The following PPIG variants were observed in gnomAD, a reference collection of about 807,000 sequenced individuals.
PPIG encodes the protein peptidyl-prolyl cis-trans isomerase G.
In PPIG, 26 loss-of-function variants were observed where a neutral mutation model predicts 87.9. That is an observed-to-expected ratio of 0.30 (90% CI 0.22 to 0.41). The LOEUF (loss-of-function observed/expected upper bound fraction) is 0.41. Ranked by LOEUF, PPIG falls within the 10% of genes least tolerant of loss-of-function variation. The pLI is 1.00. For synonymous variants in PPIG, 308 were observed against 276.5 expected (o/e 1.11, Z -1.13); for missense variants, 722 against 879.4 (o/e 0.82, Z 2.26).
intron 1 of PPIG, among the ~76,000 whole-genome samples, chr2:169,593,962 T>G (rs1034392615): frequency 2.0e-5 from 3 of 152,100 alleles, no homozygotes; most frequent in Non-Finnish European, 4.4e-5. Flanking sequence ...GCCCACTGTT[T>G]TATATCTTGA....
chr2:169,587,339 T>G (rs1227598022), intron 1 of PPIG, among the ~76,000 whole-genome samples: 1 of 152,104 alleles, frequency 6.6e-6, no homozygotes, highest in African/African-American at 2.4e-5. Context: ...CCTCCCGGGT[T>G]CAAGCAATTC....
In PPIG at chr2:169,636,166, A is replaced by C. The variant is rs369726092; in HGVS notation, c.1092A>C (p.Gln364His). The C allele has an allele frequency of 1.2e-5, 19 of 1,612,600 alleles. No individual in the cohort carries two copies. Among genetic ancestry groups the C allele is most frequent in the Non-Finnish European group, 1.6e-5 (19 of 1,179,298 alleles). Residue 364 changes from glutamine to histidine, a missense_variant, in exon 13 of 14, where the codon CAA (glutamine) becomes CAC (histidine). Physicochemically the swap from Gln to His is conservative, Grantham distance 24. This residue lies in a region of PPIG where 476 missense variants were observed against 483.1 expected (regional missense o/e 0.99). Coordinates refer to ENST00000260970, the MANE Select transcript of PPIG (RefSeq NM_004792.3). ...GTGAGACTCCTCCACATTGGAGGCA[A>C]GAGATGCAGAGAGCTCAAAGAATGA... ...RRSETPPHWR[Q>H]EMQRAQRMRV...
chr2:169,607,501 A>G (rs1685365275), intron 6 of PPIG, among the ~76,000 whole-genome samples: 1 of 152,206 alleles, frequency 6.6e-6, no homozygotes, highest in Non-Finnish European at 1.5e-5. Context: ...TTCTATGAAC[A>G]TTTTTAAAAA....
intron 6 of PPIG, 81 bp from the exon 7 acceptor site, chr2:169,608,590 A>G (rs1685399076): frequency 2.6e-6 from 2 of 770,470 alleles, no homozygotes; most frequent in Non-Finnish European, 2.2e-6. Flanking sequence ...TAAATAATAC[A>G]TCAGATATGA....
In PPIG at chr2:169,637,000, A is replaced by G; in HGVS notation, c.1742A>G (p.Asp581Gly). The G allele has an allele frequency of 6.2e-7, 1 of 1,613,986 alleles. No homozygotes were observed. The highest frequency in any genetic ancestry group is 8.5e-7 in the Non-Finnish European group (1 of 1,179,978). Residue 581 changes from aspartate (D) to glycine (G), a missense_variant, in exon 14 of 14, where the codon GAC becomes GGC. This residue lies in a region of PPIG where 476 missense variants were observed against 483.1 expected (regional missense o/e 0.99). Coordinates refer to ENST00000260970, the MANE Select transcript of PPIG (RefSeq NM_004792.3). ...RSRRVRSRTHDRDRSRSKEYH... is the reference protein window; with the variant it reads ...RSRRVRSRTHGRDRSRSKEYH... ...AGAAGAGTGCGATCAAGAACCCATG[A>G]CAGAGATCGCAGCAGAAGCAAGGAG...
intron 3 of PPIG, 36 bp from the exon 4 acceptor site, chr2:169,604,151 T>C: frequency 6.2e-7 from 1 of 1,608,726 alleles, no homozygotes; most frequent in Non-Finnish European, 8.5e-7. Context: ...TATTTTAAAT[T>C]AGTAAAGAAG....
rs1553542345 is a variant in PPIG at position 169,585,270 on chromosome 2, C to CTTTTTTTTTTTTTTTTTTT, written c.-70+789_-70+790insTTTTTTTTTTTTTTTTTTT. 3.2e-4 allele frequency among the ~76,000 whole-genome samples: 38 copies of CTTTTTTTTTTTTTTTTTTT among 118,762 alleles called. 2 individuals carry two copies. The highest frequency in any genetic ancestry group is 4.8e-4 in the African/African-American group (15 of 31,486). The allele number at this position is 118,762 out of a possible 152,430, so 77.9% of individuals were successfully genotyped here. On this transcript the variant is annotated intron_variant, in intron 1 of 13. Coordinates refer to ENST00000260970, the MANE Select transcript of PPIG (RefSeq NM_004792.3). ...TATGCTAATTTGGTTCTTGGTTAGTCTTTTTTTTTGAGACGGAGTCTCGCT... is the reference window on the plus strand; with the variant it reads ...TATGCTAATTTGGTTCTTGGTTAGTCTTTTTTTTTTTTTTTTTTTTTTTTTTTTGAGACGGAGTCTCGCT...
chr2:169,585,075 A>G (rs920421723), intron 1 of PPIG, among the ~76,000 whole-genome samples: 3 of 152,142 alleles, frequency 2.0e-5, no homozygotes, highest in Non-Finnish European at 4.4e-5. Context: ...TAAGTGGCAG[A>G]GGCCACTTTG....
chr2:169,631,839 C>A lies in PPIG; in HGVS notation c.835C>A (p.Pro279Thr), dbSNP rs1686062016. 1 of 1,613,392 alleles carries A rather than the reference C, an allele frequency of 6.2e-7. No homozygotes were observed. The highest frequency in any genetic ancestry group is 1.7e-5 in the Admixed American group (1 of 59,962). The change falls in exon 11 of 14, where the codon CCT becomes ACT. Residue 279 changes from proline to threonine, a missense_variant. By Grantham distance (38) the Pro-to-Thr change is conservative. Transcript: ENST00000260970. ...TACTGTCCGTCCAGAAGAGATCCCTCCTATACCTGAAAATAGATTCCTAAT... is the reference window on the plus strand; with the variant it reads ...TACTGTCCGTCCAGAAGAGATCCCTACTATACCTGAAAATAGATTCCTAAT... ...QSTVRPEEIPPIPENRFLMRK... is the reference protein window; with the variant it reads ...QSTVRPEEIPTIPENRFLMRK...
chr2:169,636,064 A>T lies in PPIG; in HGVS notation c.1018-28A>T, dbSNP rs1322025219. The T allele has an allele frequency of 1.9e-6, 3 of 1,557,158 alleles. No homozygotes were observed. In the South Asian group the frequency reaches 3.6e-5, roughly 18 times the overall value. On this transcript the variant is annotated intron_variant, in intron 12 of 13. Coordinates refer to ENST00000260970, the MANE Select transcript of PPIG (RefSeq NM_004792.3). ...GAGTCCCTCTATACTTCTATACATT[A>T]ATTTTTCCCTATTTTAATTTTCTTT...
intron 1 of PPIG, among the ~76,000 whole-genome samples, chr2:169,595,211 C>CGCCT (rs1379952870): frequency 9.9e-5 from 15 of 152,274 alleles, no homozygotes; most frequent in Admixed American, 7.2e-4. Flanking sequence ...TGAGCCACTG[C>CGCCT]GCCTGGCCTA....
In PPIG at chr2:169,609,667, G is replaced by A. The variant is rs1030383055; in HGVS notation, c.377+909G>A. ...CAAATAGGAACCAGCAGTCTACACT[G>A]ATATAAATAAATGATTAAATAATGA... On this transcript the variant is annotated intron_variant, in intron 7 of 13. Transcript: ENST00000260970. Among the ~76,000 whole-genome samples, 3 of 152,212 alleles carry A rather than the reference G, an allele frequency of 2.0e-5. No individual in the cohort carries two copies. The South Asian group carries it at 6.2e-4, about 32-fold the overall frequency.
intron 1 of PPIG, among the ~76,000 whole-genome samples, chr2:169,593,650 C>CTTTTTTTTTTTT (rs57902378): frequency 9.4e-6 from 1 of 106,204 alleles, no homozygotes; most frequent in Non-Finnish European, 1.8e-5. Context: ...TGCTTTATAT[C>CTTTTTTTTTTTT]TTTTTTTTTT....
chr2:169,634,274 C>G (rs1686129903), intron 12 of PPIG, among the ~76,000 whole-genome samples: 1 of 152,066 alleles, frequency 6.6e-6, no homozygotes, highest in South Asian at 2.1e-4. Context: ...GTTGCCCAGA[C>G]TGGTCTTGAA....
At chr2:169,592,303 CTTT>C (rs777690234) in intron 1 of PPIG, among the ~76,000 whole-genome samples, 1 of 93,598 alleles carries the variant, frequency 1.1e-5, no homozygotes, top group Admixed American at 1.6e-4. Context: ...TGTCTTTTTT[CTTT>C]TTTTTTTTTT....
chr2:169,595,004 C>T (rs1321910392), intron 1 of PPIG, among the ~76,000 whole-genome samples: 1 of 152,120 alleles, frequency 6.6e-6, no homozygotes, highest in Non-Finnish European at 1.5e-5. Flanking sequence ...TCTCAGCTCA[C>T]TACAACCTCC....
rs573668323 is a variant in PPIG at position 169,640,005 on chromosome 2, T to C, written c.*2482T>C. On this transcript the variant is annotated 3_prime_UTR_variant, in exon 14 of 14. Coordinates refer to ENST00000260970, the MANE Select transcript of PPIG (RefSeq NM_004792.3). The stretch of plus-strand genomic sequence containing the variant: ...ATTGGTGATAGCTGAGAAAATTTTT[T>C]CAATATGTAGAATTTTCATGGTTAT... 2.0e-5 allele frequency: 3 copies of C among 152,312 alleles called. No individual in the cohort carries two copies. The highest frequency in any genetic ancestry group is 7.2e-5 in the African/African-American group (3 of 41,584). 9.4% of individuals were successfully genotyped at this position (152,312 alleles called of 1,614,324 possible). A position where few individuals can be genotyped will look rare whatever the true frequency, so the allele number is the denominator to read the frequency against.
At chr2:169,584,684 C>A in intron 1 of PPIG, 194 bp downstream of exon 1, 1 of 341,930 alleles carries the variant, frequency 2.9e-6, no homozygotes, top group Non-Finnish European at 5.6e-6. Context: ...GCCTTTGCCG[C>A]TGTTGCAGAA....
chr2:169,607,946 T>C (rs1256124115), intron 6 of PPIG, among the ~76,000 whole-genome samples: 1 of 152,152 alleles, frequency 6.6e-6, no homozygotes, highest in Non-Finnish European at 1.5e-5. Flanking sequence ...TAGTGCACTT[T>C]AGGTTCAAGC....
Sources: gnomAD v4.1 joint callset for allele counts (sites outside exome capture counted in the v4.1 genomes callset) on GRCh38, gnomAD v4.1.1 for gene constraint, gnomAD v4.1.1 regional missense constraint, MANE v1.5 for transcripts, NCBI Gene and HGNC (gene_info 2026-07-23, HGNC 2026-07-21) for gene names.